CACNA1I: variants seen among roughly 807,000 people sequenced by gnomAD.
The protein encoded by CACNA1I is calcium voltage-gated channel subunit alpha1 I, also known as voltage-dependent T-type calcium channel subunit alpha-1I.
In CACNA1I, 74 loss-of-function variants were observed where a neutral mutation model predicts 201.6. The observed-to-expected ratio is 0.37, with a 90% CI of 0.30 to 0.45. The LOEUF (loss-of-function observed/expected upper bound fraction) is 0.45. Ranked by LOEUF, CACNA1I falls within the 20% of genes least tolerant of loss-of-function variation. CACNA1I has a pLI of 1.00. For synonymous variants in CACNA1I, 1,431 were observed against 1,345.2 expected (o/e 1.06, Z -1.40); for missense variants, 2,346 against 3,138.1 (o/e 0.75, Z 6.03).
intron 32 of CACNA1I, 64 bp from the exon 33 acceptor site, chr22:39,679,658 A>C (rs919340114): frequency 3.5e-6 from 5 of 1,417,914 alleles, no homozygotes; most frequent in Middle Eastern, 1.8e-4. Context: ...TGTCCTGCCC[A>C]CCCCACAGCC....
chr22:39,590,452 C>T (rs1932808145), intron 1 of CACNA1I, among the ~76,000 whole-genome samples: 1 of 152,236 alleles, frequency 6.6e-6, no homozygotes, highest in Non-Finnish European at 1.5e-5. Context: ...AGCAGGGACA[C>T]AGCCAGACGG....
At chr22:39,647,969 A>G (rs763762736) in intron 9 of CACNA1I, 43 bp downstream of exon 9, 16 of 1,529,600 alleles carry the variant, frequency 1.0e-5, no homozygotes, top group Middle Eastern at 4.0e-4. Context: ...CCCAGCCCCA[A>G]TACCACTTCT....
chr22:39,619,533 GC>G, intron 4 of CACNA1I, 126 bp downstream of exon 4: 2 of 698,670 alleles, frequency 2.9e-6, no homozygotes, highest in South Asian at 1.6e-5. Context: ...ACTGATTAGG[GC>G]CCGGGTGTGC....
intron 26 of CACNA1I, 103 bp downstream of exon 26, chr22:39,671,057 A>T: frequency 9.3e-7 from 1 of 1,079,162 alleles, no homozygotes; most frequent in South Asian, 1.5e-5. Flanking sequence ...AGCTGATAGC[A>T]GGATGTGAGC....
At position 39,662,759 on chromosome 22, in the gene CACNA1I, C is replaced by G. The variant is rs185735989; in HGVS notation, c.3373-17C>G. ...TGCGCATCGCTGACCCCCGGCGCTCCGTCCTCCTCTTGCTAGACCCTGTGC... is the reference window on the plus strand; with the variant it reads ...TGCGCATCGCTGACCCCCGGCGCTCGGTCCTCCTCTTGCTAGACCCTGTGC... On this transcript the variant is annotated splice_polypyrimidine_tract_variant and intron_variant, in intron 17 of 36. Transcript: ENST00000402142. The G allele has an allele frequency of 6.5e-7, 1 of 1,544,066 alleles. No individual in the cohort carries two copies. The highest frequency in any genetic ancestry group is 1.4e-5 in the African/African-American group (1 of 72,964).
In CACNA1I at chr22:39,688,266, T is replaced by G. The variant is rs961405001; in HGVS notation, c.*1861T>G. ...GCTGTGATGCTGAGCAAGGTGCCTG[T>G]GGCGGAAGGAACTGCCCAGTCCTCC... On this transcript the variant is annotated 3_prime_UTR_variant, in exon 37 of 37. Coordinates refer to ENST00000402142, the MANE Select transcript of CACNA1I (RefSeq NM_021096.4). The surrounding 1 kb of genome is among the most constrained non-coding windows in gnomAD (Gnocchi z 4.8). 2 of 152,492 alleles carry G rather than the reference T, an allele frequency of 1.3e-5. No individual in the cohort carries two copies. Among genetic ancestry groups the G allele is most frequent in the African/African-American group, 4.8e-5 (2 of 41,446 alleles). 9.4% of individuals were successfully genotyped at this position (152,492 alleles called of 1,614,324 possible).
At position 39,659,221 on chromosome 22, in the gene CACNA1I, C is replaced by T. The variant is rs939013258; in HGVS notation, c.2330+105C>T. 31 of 1,392,234 alleles carry T rather than the reference C, an allele frequency of 2.2e-5. No individual in the cohort carries two copies. The highest frequency in any genetic ancestry group is 3.0e-5 in the Non-Finnish European group (30 of 1,014,178). The allele number at this position is 1,392,234 out of a possible 1,614,324, so 86.2% of individuals were successfully genotyped here. On this transcript the variant is annotated intron_variant, in intron 12 of 36. Coordinates refer to ENST00000402142, the MANE Select transcript of CACNA1I (RefSeq NM_021096.4). The surrounding 1 kb of genome is among the most constrained non-coding windows in gnomAD (Gnocchi z 4.3). The stretch of plus-strand genomic sequence containing the variant: ...GCTTCTCTGGACAAAGCCACCTGGA[C>T]CTGGGTGTGAAGCCTGACACTGTTC...
At chr22:39,607,934 A>G (rs984077305) in intron 3 of CACNA1I, among the ~76,000 whole-genome samples, 8 of 151,736 alleles carry the variant, frequency 5.3e-5, no homozygotes, top group Non-Finnish European at 8.8e-5. Flanking sequence ...CGAGACCAAC[A>G]TGGTGAAACC....
At chr22:39,571,263 G>A in intron 1 of CACNA1I, 1 of 519,104 alleles carries the variant, frequency 1.9e-6, no homozygotes, top group Non-Finnish European at 3.5e-6. Context: ...GTCCTTGAGT[G>A]TGGGCCCCAG....
Position 39,677,964 on chromosome 22 carries a change from G to A in CACNA1I, c.4934-23G>A. 6.4e-7 allele frequency: 1 copy of A among 1,570,114 alleles called. No individual in the cohort carries two copies. The highest frequency in any genetic ancestry group is 8.6e-7 in the Non-Finnish European group (1 of 1,158,728). ...CGCAGGCACTCCGCCATCGGGCAGG[G>A]CTGACCTCCTCCCCGCTTCCAGTCT... On this transcript the variant is annotated intron_variant, in intron 30 of 36. Transcript: ENST00000402142. This position sits in a 1 kb window ranked among gnomAD's most constrained non-coding sequence, Gnocchi z 4.8.
chr22:39,626,166 C>T (rs1393067834), intron 4 of CACNA1I, among the ~76,000 whole-genome samples: 1 of 152,226 alleles, frequency 6.6e-6, no homozygotes, highest in Non-Finnish European at 1.5e-5. Context: ...AGGGCCTCCA[C>T]CCACTGGCTG....
Position 39,686,285 on chromosome 22 carries a change from C to T in CACNA1I, c.6552C>T (p.Arg2184=), listed in dbSNP as rs377272989. 2.5e-4 allele frequency: 332 copies of T among 1,320,026 alleles called. 1 individual carries two copies. Among genetic ancestry groups the T allele is most frequent in the South Asian group, 9.4e-4 (50 of 53,084 alleles). The allele number at this position is 1,320,026 out of a possible 1,614,324, so 81.8% of individuals were successfully genotyped here. Residue 2184 remains arginine (R), a synonymous_variant, in exon 37 of 37, where the codon CGC becomes CGT. Coordinates refer to ENST00000402142, the MANE Select transcript of CACNA1I (RefSeq NM_021096.4). ...GGAGCCCCTCGTGGGCCGCGGACCG[C>T]AGCAAGGACCCCCCCGGCCGGGCAC... The part of the protein sequence containing the change: ...LARSPSWAAD[R]SKDPPGRAPL...
intron 26 of CACNA1I, 120 bp from the exon 27 acceptor site, chr22:39,672,078 TA>T: frequency 1.5e-6 from 1 of 667,702 alleles, no homozygotes; most frequent in Admixed American, 2.4e-5. Context: ...AGCATATAAA[TA>T]ATTACACTAA....
rs373904241 is a variant in CACNA1I at position 39,668,052 on chromosome 22, A to C, written c.4105-240A>C. ...GGATAATTTCAGAGCTGAGACCAAA[A>C]CCCAGGACCGTGGGTCCAGCACTTT... On this transcript the variant is annotated intron_variant, in intron 23 of 36. Transcript: ENST00000402142. 7.2e-5 allele frequency among the ~76,000 whole-genome samples: 11 copies of C among 152,192 alleles called. 1 individual carries two copies. Among genetic ancestry groups the C allele is most frequent in the Admixed American group, 2.0e-4 (3 of 15,292 alleles).
Position 39,666,048 on chromosome 22 carries a change from CTT to C in CACNA1I, c.4104+43_4104+44del. 6.3e-7 allele frequency: 1 copy of C among 1,592,398 alleles called. No homozygotes were observed. ...TAGCCCTGATCAGACCCTCCCCTCTCTTGGATGCCAGTGGCTCTGGGAATCAC... is the reference window on the plus strand; with the variant it reads ...TAGCCCTGATCAGACCCTCCCCTCTCGGATGCCAGTGGCTCTGGGAATCAC... On this transcript the variant is annotated intron_variant, in intron 23 of 36. Coordinates refer to ENST00000402142, the MANE Select transcript of CACNA1I (RefSeq NM_021096.4). The surrounding 1 kb of genome is among the most constrained non-coding windows in gnomAD (Gnocchi z 4.1).
chr22:39,674,288 GC>G (rs1182666867), intron 29 of CACNA1I, among the ~76,000 whole-genome samples: 1 of 152,214 alleles, frequency 6.6e-6, no homozygotes, highest in Non-Finnish European at 1.5e-5. Context: ...TCCACATTGT[GC>G]CCTTGGTTGC....
intron 1 of CACNA1I, among the ~76,000 whole-genome samples, chr22:39,597,119 C>T (rs1932910057): frequency 6.6e-6 from 1 of 152,186 alleles, no homozygotes; most frequent in Admixed American, 6.5e-5. Context: ...TCATCCTGGA[C>T]TGCCTCTTTT....
At position 39,679,772 on chromosome 22, in the gene CACNA1I, G is replaced by A. The variant is rs753671957; in HGVS notation, c.5445G>A (p.Glu1815=). The change falls in exon 33 of 37, where the codon GAG becomes GAA. Residue 1815 remains glutamate (E), a synonymous_variant. Transcript: ENST00000402142. ...CTTTAATCATCAAGGACTCCTTGGA[G>A]GGGGAGCTGACCATCATCGACAACC... is the stretch of plus-strand genomic sequence containing the variant. The part of the protein sequence containing the change: ...SVSLIIKDSL[E]GELTIIDNLS... 4 of 1,612,902 alleles carry A rather than the reference G, an allele frequency of 2.5e-6. No individual in the cohort carries two copies. Among genetic ancestry groups the A allele is most frequent in the Non-Finnish European group, 3.4e-6 (4 of 1,179,612 alleles).
chr22:39,646,490 T>A (rs931397206), intron 7 of CACNA1I, 79 bp from the exon 8 acceptor site: 2 of 1,476,458 alleles, frequency 1.4e-6, no homozygotes, highest in Non-Finnish European at 9.0e-7. Context: ...CTGTCCCCAC[T>A]CCATGACTCT....
Sources: allele counts gnomAD v4.1 joint callset (sites outside exome capture counted in the v4.1 genomes callset), GRCh38; gene constraint gnomAD v4.1.1; non-coding constraint Gnocchi (gnomAD v3.1); transcripts MANE v1.5; gene names NCBI Gene and HGNC (gene_info 2026-07-23, HGNC 2026-07-21).